The following CDK14 variants were observed in gnomAD, a reference collection of about 807,000 sequenced individuals.
CDK14 encodes the protein cyclin dependent kinase 14, also known as cyclin-dependent kinase 14.
A neutral mutation model predicts 60.7 loss-of-function variants in CDK14; 34 were observed. That is an observed-to-expected ratio of 0.56 (90% CI 0.43 to 0.75). The LOEUF (loss-of-function observed/expected upper bound fraction) is 0.75, where lower values mean the gene tolerates loss of function less well. Among genes scored for constraint, CDK14 ranks in the 30% least tolerant of loss-of-function variants. The pLI is 0.00. For synonymous variants in CDK14, 197 were observed against 203.7 expected (o/e 0.97, Z 0.28); for missense variants, 482 against 564.1 (o/e 0.85, Z 1.47).
intron 13 of CDK14, among the ~76,000 whole-genome samples, chr7:91,115,010 C>A (rs897148087): frequency 6.6e-6 from 1 of 152,114 alleles, no homozygotes. Context: ...AGCATAGAGT[C>A]TTGTAAAAGT....
chr7:90,656,692 G>A (rs529374532), intron 2 of CDK14, among the ~76,000 whole-genome samples: 8 of 152,128 alleles, frequency 5.3e-5, no homozygotes, highest in African/African-American at 1.7e-4. Context: ...CCTTTTTTCT[G>A]AAGACTGTCT....
chr7:91,178,374 G>A (rs372914458), intron 14 of CDK14, among the ~76,000 whole-genome samples: 1 of 135,054 alleles, frequency 7.4e-6, no homozygotes, highest in Non-Finnish European at 1.6e-5. Flanking sequence ...GAAAACCTAG[G>A]CATTACCATT....
intron 9 of CDK14, among the ~76,000 whole-genome samples, chr7:90,957,330 CATT>C (rs1159363465): frequency 4.6e-5 from 7 of 152,074 alleles, no homozygotes; most frequent in African/African-American, 1.7e-4. Context: ...GATGGTATCT[CATT>C]GTTGGAAGTT....
Position 90,791,218 on chromosome 7 carries a change from G to T in CDK14, c.544+566G>T, listed in dbSNP as rs73707883. 3.5e-3 allele frequency among the ~76,000 whole-genome samples: 526 copies of T among 152,086 alleles called. 3 individuals are homozygous for T. Among genetic ancestry groups the T allele is most frequent in the African/African-American group, 0.012 (495 of 41,500 alleles). ...TAATGTAGTTATTTGCTACATATAA[G>T]ATTTTATTTTTTATTAAATCAAATA... On this transcript the variant is annotated intron_variant, in intron 5 of 14. Coordinates refer to ENST00000380050, the MANE Select transcript of CDK14 (RefSeq NM_001287135.2).
intron 13 of CDK14, among the ~76,000 whole-genome samples, chr7:91,117,637 T>C (rs1263889827): frequency 6.6e-6 from 1 of 152,194 alleles, no homozygotes; most frequent in African/African-American, 2.4e-5. Context: ...TTTGGTTGCT[T>C]ATTGCCTGTC....
At chr7:90,749,256 C>T (rs1307240647) in intron 4 of CDK14, among the ~76,000 whole-genome samples, 1 of 147,530 alleles carries the variant, frequency 6.8e-6, no homozygotes, top group East Asian at 2.1e-4. Flanking sequence ...TTGAGCTGCC[C>T]CACCCCTTCT....
chr7:91,007,329 G>A (rs1349878515), intron 10 of CDK14, among the ~76,000 whole-genome samples: 3 of 152,134 alleles, frequency 2.0e-5, no homozygotes, highest in South Asian at 4.1e-4. Flanking sequence ...ATAATTTGCC[G>A]CAGTAGCATT....
rs115928389 is a variant in CDK14 at position 90,774,439 on chromosome 7, A to G, written c.465-16134A>G. ...ATTTTTAGAACAGACCTTTAGATTC[A>G]GGTAATCAGTGATGCCATATAGCAT... On this transcript the variant is annotated intron_variant, in intron 4 of 14. Coordinates refer to ENST00000380050, the MANE Select transcript of CDK14 (RefSeq NM_001287135.2). Among the ~76,000 whole-genome samples the G allele has an allele frequency of 8.9e-3, 1,356 of 152,272 alleles. 28 individuals carry two copies. The highest frequency in any genetic ancestry group is 0.031 in the African/African-American group (1,305 of 41,548).
intron 4 of CDK14, among the ~76,000 whole-genome samples, chr7:90,768,018 A>G (rs1264536957): frequency 6.6e-6 from 1 of 152,180 alleles, no homozygotes; most frequent in Admixed American, 6.5e-5. Flanking sequence ...AGGTATATTT[A>G]TATTGTTTAC....
At chr7:91,108,539 C>T (rs1357238556) in intron 12 of CDK14, among the ~76,000 whole-genome samples, 2 of 152,148 alleles carry the variant, frequency 1.3e-5, no homozygotes, top group East Asian at 3.9e-4. Flanking sequence ...GAACTGTGAA[C>T]AGTCTATGCC....
Position 90,985,416 on chromosome 7 carries a change from T to A in CDK14, c.1041+1175T>A, listed in dbSNP as rs79798152. Among the ~76,000 whole-genome samples the A allele has an allele frequency of 0.015, 2,255 of 152,246 alleles. 120 individuals are homozygous for A. In the East Asian group the frequency reaches 0.18, roughly 12 times the overall value. ...TTCTTTTAGGACTCTGCTTGGCATA[T>A]AGTAAATACTTTACATATATACAAA... is the stretch of plus-strand genomic sequence containing the variant. On this transcript the variant is annotated intron_variant, in intron 10 of 14. Coordinates refer to ENST00000380050, the MANE Select transcript of CDK14 (RefSeq NM_001287135.2).
At chr7:90,658,984 A>G (rs1800808915) in intron 2 of CDK14, among the ~76,000 whole-genome samples, 1 of 152,224 alleles carries the variant, frequency 6.6e-6, no homozygotes, top group Non-Finnish European at 1.5e-5. Context: ...GATAATAATT[A>G]AAGAACAATA....
rs142396812 is a variant in CDK14 at position 90,706,329 on chromosome 7, A to G, written c.124-20238A>G. Among the ~76,000 whole-genome samples, 831 of 152,110 alleles carry G rather than the reference A, an allele frequency of 5.5e-3. 28 individuals carry two copies. Among genetic ancestry groups the G allele is most frequent in the Admixed American group, 0.047 (718 of 15,282 alleles). On this transcript the variant is annotated intron_variant, in intron 2 of 14. Transcript: ENST00000380050. The stretch of plus-strand genomic sequence containing the variant: ...TGTCTACATGCTTGTTGAGACTATT[A>G]TTTTCCCCTACCCATTCCTCAAGCT...
chr7:90,795,729 G>T (rs1293193518), intron 5 of CDK14, among the ~76,000 whole-genome samples: 2 of 152,072 alleles, frequency 1.3e-5, no homozygotes, highest in Non-Finnish European at 2.9e-5. Context: ...GAGGGACAGG[G>T]ACTCTGGGCC....
intron 6 of CDK14, among the ~76,000 whole-genome samples, chr7:90,866,647 A>G (rs1400442808): frequency 2.6e-5 from 4 of 152,186 alleles, no homozygotes; most frequent in Non-Finnish European, 5.9e-5. Flanking sequence ...TATAATATGT[A>G]CATACTACAA....
chr7:90,633,672 A>G (rs1335470265), intron 2 of CDK14, among the ~76,000 whole-genome samples: 4 of 152,244 alleles, frequency 2.6e-5, no homozygotes, highest in African/African-American at 9.6e-5. Context: ...AGCATTATTC[A>G]TATGTCATAA....
At chr7:90,668,724 T>C (rs1801037476) in intron 2 of CDK14, among the ~76,000 whole-genome samples, 1 of 80,588 alleles carries the variant, frequency 1.2e-5, no homozygotes, top group Non-Finnish European at 2.5e-5. Flanking sequence ...TTTTTTTTTT[T>C]TTCAACTGGG....
intron 14 of CDK14, among the ~76,000 whole-genome samples, chr7:91,174,184 C>A (rs956504655): frequency 5.3e-5 from 8 of 151,958 alleles, no homozygotes; most frequent in African/African-American, 1.4e-4. Flanking sequence ...GAGGCACCCC[C>A]CAGCAGGGGC....
chr7:91,009,071 T>A (rs1414278444), intron 10 of CDK14, among the ~76,000 whole-genome samples: 6 of 152,164 alleles, frequency 3.9e-5, no homozygotes, highest in African/African-American at 1.2e-4. Context: ...TCACTGTAGA[T>A]TAGTTTGCAT....
Sources: gnomAD v4.1 joint callset for allele counts (sites outside exome capture counted in the v4.1 genomes callset) on GRCh38, gnomAD v4.1.1 for gene constraint, MANE v1.5 for transcripts, NCBI Gene and HGNC (gene_info 2026-07-23, HGNC 2026-07-21) for gene names.